Variants in PAX3 observed in about 807,000 individuals in gnomAD.
The protein encoded by PAX3 is paired box protein Pax-3.
PAX3 carries 14 observed loss-of-function variants against 51.6 expected under a neutral mutation model. That is an observed-to-expected ratio of 0.27 (90% CI 0.18 to 0.42). PAX3 has a LOEUF of 0.42. Among genes scored for constraint, PAX3 ranks in the 10% least tolerant of loss-of-function variants. The pLI is 1.00. For missense variants in PAX3, 540 were observed against 642.8 expected, an observed-to-expected ratio of 0.84 and a Z score of 1.73; for synonymous variants, 280 against 253.4, an observed-to-expected ratio of 1.11 and a Z score of -1.00.
chr2:222,279,894 G>T (rs954957587), intron 4 of PAX3, among the ~76,000 whole-genome samples: 2 of 152,034 alleles, frequency 1.3e-5, no homozygotes, highest in African/African-American at 4.8e-5. Flanking sequence ...TCTGACCAAG[G>T]TATATACTGG....
chr2:222,295,472 C>T (rs1363440633), intron 3 of PAX3, 56 bp downstream of exon 3: 8 of 1,600,860 alleles, frequency 5.0e-6, no homozygotes, highest in Non-Finnish European at 6.0e-6. Context: ...GGTCGACGTG[C>T]CGGGGTAATA....
rs886055674 is a variant in PAX3 at position 222,201,819 on chromosome 2, A to C, written c.1420+125T>G. 2 of 1,111,352 alleles carry C rather than the reference A, an allele frequency of 1.8e-6. No individual in the cohort carries two copies. Among genetic ancestry groups the C allele is most frequent in the Non-Finnish European group, 2.5e-6 (2 of 801,270 alleles). The allele number at this position is 1,111,352 out of a possible 1,614,324, so 68.8% of individuals were successfully genotyped here. Reference sequence around the variant, plus strand: ...GCTGGAACAGTCAGCTGGCTTTGCAAAAAAAAAAAAAAATTGATACCGGCA... The same window carrying C: ...GCTGGAACAGTCAGCTGGCTTTGCACAAAAAAAAAAAAATTGATACCGGCA... On this transcript the variant is annotated intron_variant, in intron 8 of 8. Transcript: ENST00000392070.
In PAX3 at chr2:222,298,708, C is replaced by G. The variant is rs999780693; in HGVS notation, c.-93G>C. ...GATGACCCTCGGGAACTATCCGGAGCGTGGAGAGCCCCTCCCCAAAACGGC... is the reference window on the plus strand; with the variant it reads ...GATGACCCTCGGGAACTATCCGGAGGGTGGAGAGCCCCTCCCCAAAACGGC... On this transcript the variant is annotated 5_prime_UTR_variant, in exon 1 of 9. Coordinates refer to ENST00000392070, the MANE Select transcript of PAX3 (RefSeq NM_181458.4). The G allele has an allele frequency of 4.0e-6, 5 of 1,238,010 alleles. No individual in the cohort carries two copies. In the African/African-American group the frequency reaches 4.5e-5, roughly 11 times the overall value. 76.7% of individuals were successfully genotyped at this position (1,238,010 alleles called of 1,614,324 possible).
Position 222,294,808 on chromosome 2 carries a change from C to CTTT in PAX3, c.452-510_452-508dup, listed in dbSNP as rs11347336. On this transcript the variant is annotated intron_variant, in intron 3 of 8. Coordinates refer to ENST00000392070, the MANE Select transcript of PAX3 (RefSeq NM_181458.4). ...AAGTTTCTTTTTTTTCCTTTCTTCC[C>CTTT]TTTTTTTTTTTTTTTTAAGGCTATA... Among the ~76,000 whole-genome samples, 237 of 111,272 alleles carry CTTT rather than the reference C, an allele frequency of 2.1e-3. 1 individual carries two copies. The highest frequency in any genetic ancestry group is 7.9e-3 in the South Asian group (24 of 3,056). The allele number at this position is 111,272 out of a possible 152,430, so 73.0% of individuals were successfully genotyped here.
intron 4 of PAX3, among the ~76,000 whole-genome samples, chr2:222,250,058 C>T (rs1157681954): frequency 1.3e-5 from 2 of 151,862 alleles, no homozygotes; most frequent in Non-Finnish European, 2.9e-5. Flanking sequence ...TTATTTTTTG[C>T]TTTATGTCCT....
chr2:222,290,776 A>G (rs575783984), intron 4 of PAX3, among the ~76,000 whole-genome samples: 4 of 151,816 alleles, frequency 2.6e-5, no homozygotes, highest in Admixed American at 1.3e-4. Flanking sequence ...CTGGAGGGGG[A>G]GAAGGAGGGG....
At chr2:222,202,211 G>A (rs1270616014) in intron 7 of PAX3, 21 bp from the exon 8 acceptor site, 2 of 1,526,476 alleles carry the variant, frequency 1.3e-6, no homozygotes, top group Non-Finnish European at 1.8e-6. Flanking sequence ...AGCCAGATTG[G>A]GAAGAGGTTA....
intron 4 of PAX3, among the ~76,000 whole-genome samples, chr2:222,245,112 C>T (rs1451886769): frequency 6.6e-6 from 1 of 152,100 alleles, no homozygotes; most frequent in Non-Finnish European, 1.5e-5. Flanking sequence ...CATGCCACTG[C>T]ACTCCAACCT....
At chr2:222,292,183 G>A (rs981188873) in intron 4 of PAX3, among the ~76,000 whole-genome samples, 1 of 152,206 alleles carries the variant, frequency 6.6e-6, no homozygotes, top group Non-Finnish European at 1.5e-5. Flanking sequence ...AAAACTTCCC[G>A]GCGCAGCAGC....
intron 2 of PAX3, 110 bp from the exon 3 acceptor site, chr2:222,295,767 C>A (rs771105569): frequency 8.5e-6 from 11 of 1,295,342 alleles, no homozygotes; most frequent in Non-Finnish European, 1.2e-5. Context: ...TCCTCTGGGA[C>A]GGTCCCCCTT....
rs368498209 is a variant in PAX3, at chr2:222,258,813, A to G, written c.587-26530T>C. Among the ~76,000 whole-genome samples, 187 of 152,274 alleles carry G rather than the reference A, an allele frequency of 1.2e-3. 2 individuals carry two copies. In the South Asian group the frequency reaches 0.026, roughly 21 times the overall value. ...ATGGAGTATGGATTATACCTTTCTA[A>G]TGTTCTAATGTGTGGATCTGAAGTT... On this transcript the variant is annotated intron_variant, in intron 4 of 8. Coordinates refer to ENST00000392070, the MANE Select transcript of PAX3 (RefSeq NM_181458.4).
chr2:222,246,566 A>G (rs1693236041), intron 4 of PAX3, among the ~76,000 whole-genome samples: 1 of 152,186 alleles, frequency 6.6e-6, no homozygotes, highest in South Asian at 2.1e-4. Flanking sequence ...TTAGAGAATT[A>G]TATTATACAG....
intron 5 of PAX3, among the ~76,000 whole-genome samples, chr2:222,222,351 A>G (rs1203031060): frequency 6.6e-6 from 1 of 151,990 alleles, no homozygotes; most frequent in African/African-American, 2.4e-5. Flanking sequence ...CTAAAATGAG[A>G]GAGGATTTCT....
At chr2:222,207,978 T>C (rs1200298299) in intron 7 of PAX3, among the ~76,000 whole-genome samples, 1 of 146,542 alleles carries the variant, frequency 6.8e-6, no homozygotes, top group Non-Finnish European at 1.5e-5. Context: ...TATATGTATA[T>C]GTATATATAT....
intron 4 of PAX3, among the ~76,000 whole-genome samples, chr2:222,291,048 A>G (rs2106190783): frequency 6.7e-6 from 1 of 150,086 alleles, no homozygotes; most frequent in Non-Finnish European, 1.5e-5. Flanking sequence ...CCGGCCAGAG[A>G]GTAGGGGAGG....
At chr2:222,245,502 A>G (rs1435181469) in intron 4 of PAX3, among the ~76,000 whole-genome samples, 1 of 152,268 alleles carries the variant, frequency 6.6e-6, no homozygotes, top group Non-Finnish European at 1.5e-5. Context: ...GAATTTCTTC[A>G]GTAGCAGGTT....
At chr2:222,203,070 G>C (rs2106036418) in intron 7 of PAX3, among the ~76,000 whole-genome samples, 1 of 102,298 alleles carries the variant, frequency 9.8e-6, no homozygotes, top group Non-Finnish European at 1.9e-5. Flanking sequence ...GTGTTAAAAG[G>C]AAAGACAAGC....
chr2:222,280,442 G>GAAGA (rs1319522242), intron 4 of PAX3, among the ~76,000 whole-genome samples: 2 of 151,136 alleles, frequency 1.3e-5, no homozygotes, highest in Admixed American at 6.6e-5. Flanking sequence ...AGGAAGGAAG[G>GAAGA]AAGAAAGAAA....
intron 6 of PAX3, 59 bp from the exon 7 acceptor site, chr2:222,220,413 A>T (rs369403205): frequency 1.3e-6 from 2 of 1,537,058 alleles, no homozygotes; most frequent in African/African-American, 1.4e-5. Context: ...GAGAAAGTTC[A>T]GTGCAAAAGT....
Sources: gnomAD v4.1 joint callset for allele counts (sites outside exome capture counted in the v4.1 genomes callset) on GRCh38, gnomAD v4.1.1 for gene constraint, MANE v1.5 for transcripts, NCBI Gene and HGNC (gene_info 2026-07-23, HGNC 2026-07-21) for gene names.